NDST4: variants seen among roughly 807,000 people sequenced by gnomAD.
The protein encoded by NDST4 is N-deacetylase and N-sulfotransferase 4, also known as N-heparan sulfate sulfotransferase 4.
A neutral mutation model predicts 100.8 loss-of-function variants in NDST4; 63 were observed. The ratio of observed to expected loss-of-function variants is 0.62; its 90% confidence interval spans 0.51 to 0.77. The LOEUF is 0.77. NDST4 is among the 30% of genes least tolerant of loss of function. The pLI, the probability that NDST4 is intolerant of heterozygous loss-of-function variation, is 0.00. For missense variants in NDST4, 943 were observed against 1,018.4 expected (o/e 0.93, Z 1.01); for synonymous variants, 377 against 361.8 (o/e 1.04, Z -0.48).
At chr4:114,955,459 G>A (rs894022109) in intron 4 of NDST4, among the ~76,000 whole-genome samples, 11 of 152,190 alleles carry the variant, frequency 7.2e-5, no homozygotes, top group African/African-American at 2.7e-4. Flanking sequence ...AGCTTAGAGG[G>A]CTTTGAGACA....
chr4:114,983,597 G>C (rs370039027), intron 2 of NDST4, among the ~76,000 whole-genome samples: 1 of 152,248 alleles, frequency 6.6e-6, no homozygotes, highest in East Asian at 1.9e-4. Context: ...TGATTTTACA[G>C]CCTCATAGGC....
chr4:115,076,858 T>C lies in NDST4; in HGVS notation c.179A>G (p.Tyr60Cys), dbSNP rs1028314473. ...AACTGTTTTCAGCTCCATTGACCTA[T>C]ATGGTAGAATTTTGATGTCAGTGCA... ...AECTDIKILP[Y>C]RSMELKTVKP... is the part of the protein sequence containing the mutation. Residue 60 changes from tyrosine (Y) to cysteine (C), a missense_variant, in exon 2 of 14, where the codon TAT (tyrosine) becomes TGT (cysteine). This residue lies in a region of NDST4 where 417 missense variants were observed against 384.2 expected (regional missense o/e 1.09). Transcript: ENST00000264363. The C allele has an allele frequency of 1.2e-6, 2 of 1,613,882 alleles. No homozygotes were observed. Among genetic ancestry groups the C allele is most frequent in the African/African-American group, 1.3e-5 (1 of 75,050 alleles).
chr4:115,090,599 A>G (rs1729497980), intron 1 of NDST4, among the ~76,000 whole-genome samples: 1 of 152,062 alleles, frequency 6.6e-6, no homozygotes, highest in Non-Finnish European at 1.5e-5. Context: ...TATCACGTTT[A>G]TGTGAAAGGA....
intron 1 of NDST4, among the ~76,000 whole-genome samples, chr4:115,103,975 C>T (rs534279198): frequency 1.3e-4 from 20 of 152,186 alleles, no homozygotes; most frequent in Admixed American, 4.6e-4. Context: ...AGAATTATCA[C>T]GATAGTTACT....
intron 6 of NDST4, among the ~76,000 whole-genome samples, chr4:114,929,105 CATCCATCCATCT>C (rs1294532773): frequency 0.029 from 3,443 of 119,628 alleles, 66 homozygotes; most frequent in Non-Finnish European, 0.042. Context: ...TCCATCCATC[CATCCATCCATCT>C]ATCTATCTAT....
At chr4:114,978,330 C>A (rs1201971559) in intron 2 of NDST4, among the ~76,000 whole-genome samples, 1 of 151,710 alleles carries the variant, frequency 6.6e-6, no homozygotes, top group Non-Finnish European at 1.5e-5. Flanking sequence ...ACTTGTGAAC[C>A]TAACTGTTTA....
At chr4:114,918,506 A>G (rs2126218034) in intron 6 of NDST4, among the ~76,000 whole-genome samples, 1 of 151,994 alleles carries the variant, frequency 6.6e-6, no homozygotes, top group Non-Finnish European at 1.5e-5. Flanking sequence ...ACTAACCTGC[A>G]CAATGTGCAC....
In NDST4 at chr4:114,989,965, T is replaced by A. The variant is rs148885913; in HGVS notation, c.979-12691A>T. ...TCTCTTCAAAATCCCTGTCTAGCCT[T>A]TAGTGAGTTGACTTCATCGGCATAA... On this transcript the variant is annotated intron_variant, in intron 2 of 13. Transcript: ENST00000264363. Among the ~76,000 whole-genome samples the A allele has an allele frequency of 8.7e-4, 132 of 152,256 alleles. 1 individual carries two copies. The East Asian group carries it at 0.018, about 21-fold the overall frequency.
chr4:114,935,350 G>GA lies in NDST4; in HGVS notation c.1408-17dup. 1.3e-6 allele frequency: 2 copies of GA among 1,543,580 alleles called. No homozygotes were observed. On this transcript the variant is annotated splice_polypyrimidine_tract_variant and intron_variant, in intron 5 of 13. Transcript: ENST00000264363. ...GAGGGAGGACCTGAGTAAAAAAGGG[G>GA]AAAAACAGCACATGGACGTGATTTA... is the stretch of plus-strand genomic sequence containing the variant.
chr4:114,849,895 G>T (rs1359112872), intron 8 of NDST4, among the ~76,000 whole-genome samples: 1 of 152,052 alleles, frequency 6.6e-6, no homozygotes, highest in African/African-American at 2.4e-5. Context: ...TGAGGGACGA[G>T]GGGCATCCTC....
intron 6 of NDST4, among the ~76,000 whole-genome samples, chr4:114,913,635 AT>A (rs1725107847): frequency 6.7e-6 from 1 of 149,818 alleles, no homozygotes; most frequent in Non-Finnish European, 1.5e-5. Flanking sequence ...ATTTAAGAAT[AT>A]TTTTCTACCT....
intron 5 of NDST4, among the ~76,000 whole-genome samples, chr4:114,936,229 C>G (rs1725625814): frequency 6.6e-6 from 1 of 152,050 alleles, no homozygotes; most frequent in South Asian, 2.1e-4. Context: ...GTGAGTAATT[C>G]TATTTATACC....
chr4:115,065,896 A>G (rs141279940), intron 2 of NDST4, among the ~76,000 whole-genome samples: 102 of 152,268 alleles, frequency 6.7e-4, no homozygotes, highest in African/African-American at 2.4e-3. Flanking sequence ...ATGTCCTGAT[A>G]TTTTCAGCCA....
intron 10 of NDST4, among the ~76,000 whole-genome samples, chr4:114,840,905 C>T (rs1723410266): frequency 1.3e-5 from 2 of 152,100 alleles, no homozygotes; most frequent in Admixed American, 6.5e-5. Flanking sequence ...GTGGCATACA[C>T]TTTTGAAGTT....
intron 9 of NDST4, among the ~76,000 whole-genome samples, chr4:114,847,375 CAAAAAAAAAAAAAAAAAAAAAAA>C (rs57987259): frequency 1.9e-3 from 35 of 18,234 alleles, no homozygotes; most frequent in East Asian, 0.017. Flanking sequence ...GACTCCGTCT[CAAAAAAAAAAAAAAAAAAAAAAA>C]AAAAAAAAAA....
intron 6 of NDST4, among the ~76,000 whole-genome samples, chr4:114,878,661 T>A (rs1036446868): frequency 6.6e-6 from 1 of 152,136 alleles, no homozygotes; most frequent in Non-Finnish European, 1.5e-5. Flanking sequence ...TCTCTAAGGC[T>A]AAATGAAAAC....
intron 4 of NDST4, among the ~76,000 whole-genome samples, chr4:114,941,520 C>T (rs561760397): frequency 5.3e-5 from 8 of 152,130 alleles, no homozygotes; most frequent in Admixed American, 3.3e-4. Flanking sequence ...TGAGTTTCAG[C>T]CTTTTAGGAG....
intron 2 of NDST4, among the ~76,000 whole-genome samples, chr4:115,074,707 T>A (rs1243491282): frequency 6.6e-6 from 1 of 152,142 alleles, no homozygotes; most frequent in Non-Finnish European, 1.5e-5. Flanking sequence ...CTGCTTTCAA[T>A]CATTTTGCTT....
intron 11 of NDST4, among the ~76,000 whole-genome samples, chr4:114,834,956 T>A (rs764332331): frequency 1.1e-4 from 17 of 152,190 alleles, no homozygotes; most frequent in Non-Finnish European, 2.1e-4. Flanking sequence ...AATGGTAATA[T>A]CTCCTTTATC....
Sources: allele counts gnomAD v4.1 joint callset (sites outside exome capture counted in the v4.1 genomes callset), GRCh38; gene constraint gnomAD v4.1.1; regional missense constraint gnomAD v4.1.1; transcripts MANE v1.5; gene names NCBI Gene and HGNC (gene_info 2026-07-23, HGNC 2026-07-21).